HELLS: variants seen among roughly 807,000 people sequenced by gnomAD.
The protein encoded by HELLS is lymphoid-specific helicase.
Under a neutral mutation model 120.0 loss-of-function variants are expected in HELLS, and 32 were observed. That is an observed-to-expected ratio of 0.27 (90% CI 0.20 to 0.36). The LOEUF is 0.36. Among genes scored for constraint, HELLS ranks in the 10% least tolerant of loss-of-function variants. The pLI, the probability that HELLS is intolerant of heterozygous loss-of-function variation, is 1.00. For synonymous variants in HELLS, 341 were observed against 323.4 expected, an observed-to-expected ratio of 1.05 and a Z score of -0.58; for missense variants, 650 against 993.4, an observed-to-expected ratio of 0.65 and a Z score of 4.65.
At chr10:94,567,202 T>A (rs988445119) in intron 6 of HELLS, among the ~76,000 whole-genome samples, 28 of 152,108 alleles carry the variant, frequency 1.8e-4, no homozygotes, top group Admixed American at 3.3e-4. Flanking sequence ...CCTCACTGGG[T>A]CTTTGCCTTT....
chr10:94,591,999 A>G (rs1845510656), intron 15 of HELLS, among the ~76,000 whole-genome samples: 1 of 152,200 alleles, frequency 6.6e-6, no homozygotes, highest in Non-Finnish European at 1.5e-5. Flanking sequence ...TGTTGAGGTT[A>G]GATCAAAGTT....
At chr10:94,556,272 G>A (rs1416966820) in intron 3 of HELLS, among the ~76,000 whole-genome samples, 2 of 152,210 alleles carry the variant, frequency 1.3e-5, no homozygotes, top group East Asian at 1.9e-4. Context: ...AGTCTTTTGT[G>A]TTGATTGTTG....
chr10:94,566,794 A>G (rs2134030689), intron 6 of HELLS, among the ~76,000 whole-genome samples: 1 of 151,950 alleles, frequency 6.6e-6, no homozygotes, highest in Non-Finnish European at 1.5e-5. Flanking sequence ...GCCTGGGACT[A>G]CAGGCACGTG....
At chr10:94,557,263 C>A in intron 3 of HELLS, 3 of 315,178 alleles carry the variant, frequency 9.5e-6, no homozygotes, top group South Asian at 4.9e-5. Context: ...TAAAAATTAT[C>A]AATTTAAATT....
At chr10:94,554,280 C>G (rs1249597305) in intron 3 of HELLS, 32 bp downstream of exon 3, 6 of 1,468,654 alleles carry the variant, frequency 4.1e-6, no homozygotes, top group Non-Finnish European at 5.4e-6. Flanking sequence ...CAAGTGAAAG[C>G]TTAAAAAAAT....
At chr10:94,599,085 C>G (rs945815016) in intron 21 of HELLS, among the ~76,000 whole-genome samples, 5 of 152,088 alleles carry the variant, frequency 3.3e-5, no homozygotes, top group Admixed American at 1.3e-4. Context: ...TGTACTTTCT[C>G]TAGTTTTGTT....
rs1285407342 is a variant in HELLS, at chr10:94,593,591, A to T, written c.2064A>T (p.Thr688=). 4 of 1,602,906 alleles carry T rather than the reference A, an allele frequency of 2.5e-6. No individual in the cohort carries two copies. Among genetic ancestry groups the T allele is most frequent in the Non-Finnish European group, 3.4e-6 (4 of 1,169,822 alleles). The change falls in exon 18 of 22, where the codon ACA becomes ACT. Residue 688 remains threonine, a synonymous_variant. Transcript: ENST00000348459. ...GLGINLTAAD[T]VIIYDSDWNP... ...GCATTAATCTGACTGCAGCAGATAC[A>T]GTTATCATTTATGATAGTGATTGGG...
intron 12 of HELLS, among the ~76,000 whole-genome samples, chr10:94,584,927 C>T (rs1024005126): frequency 3.3e-5 from 5 of 151,992 alleles, no homozygotes; most frequent in African/African-American, 4.8e-5. Context: ...ATTACTTTTA[C>T]GCTTTGTCCT....
intron 21 of HELLS, among the ~76,000 whole-genome samples, chr10:94,598,712 T>G (rs1352821150): frequency 6.6e-6 from 1 of 151,944 alleles, no homozygotes; most frequent in African/African-American, 2.4e-5. Flanking sequence ...GCAAAAGTTT[T>G]AAATTTTAAT....
At chr10:94,567,408 C>T (rs571645229) in intron 6 of HELLS, among the ~76,000 whole-genome samples, 3 of 152,118 alleles carry the variant, frequency 2.0e-5, no homozygotes, top group African/African-American at 4.8e-5. Context: ...AAGCGATTCT[C>T]CTGCCTCAGC....
At chr10:94,580,121 A>G (rs58504197) in intron 10 of HELLS, among the ~76,000 whole-genome samples, 506 of 8,956 alleles carry the variant, frequency 0.056, 10 homozygotes, top group African/African-American at 0.095. Flanking sequence ...ATAAAAGTAT[A>G]TATATATATA....
At chr10:94,547,404 T>C (rs966904097) in intron 2 of HELLS, among the ~76,000 whole-genome samples, 3 of 152,206 alleles carry the variant, frequency 2.0e-5, no homozygotes, top group African/African-American at 7.2e-5. Context: ...TCCTTAATAA[T>C]AGTGAATTAA....
chr10:94,558,394 A>C (rs887091982), intron 4 of HELLS, among the ~76,000 whole-genome samples, 199 bp downstream of exon 4: 11 of 152,166 alleles, frequency 7.2e-5, no homozygotes, highest in Admixed American at 7.2e-4. Context: ...AGTATGGTCC[A>C]CTTTAGTTTC....
At chr10:94,555,893 C>G (rs1374049890) in intron 3 of HELLS, among the ~76,000 whole-genome samples, 1 of 152,170 alleles carries the variant, frequency 6.6e-6, no homozygotes, top group Non-Finnish European at 1.5e-5. Context: ...TCCCAAAGTG[C>G]TGGGATTACA....
intron 9 of HELLS, among the ~76,000 whole-genome samples, 178 bp from the exon 10 acceptor site, chr10:94,576,484 T>A (rs927346387): frequency 6.6e-6 from 1 of 152,134 alleles, no homozygotes; most frequent in Admixed American, 6.5e-5. Flanking sequence ...TTTTTTTCAT[T>A]TTCTCCCATA....
At chr10:94,589,839 A>G (rs925036814) in intron 13 of HELLS, among the ~76,000 whole-genome samples, 7 of 151,600 alleles carry the variant, frequency 4.6e-5, no homozygotes, top group Admixed American at 6.6e-5. Context: ...GTCGCCCGCC[A>G]CCACGCTTGG....
chr10:94,590,863 T>C lies in HELLS; in HGVS notation c.1767+87T>C. On this transcript the variant is annotated intron_variant, in intron 15 of 21. Coordinates refer to ENST00000348459, the MANE Select transcript of HELLS (RefSeq NM_018063.5). ...GTGTTACTTTTTTTGATTATAATTA[T>C]TAAAAATAAGTATGGTGCTATTTGT... 4.2e-6 allele frequency: 3 copies of C among 721,302 alleles called. 1 individual carries two copies. Among genetic ancestry groups the C allele is most frequent in the Non-Finnish European group, 6.3e-6 (3 of 473,106 alleles). 44.7% of individuals were successfully genotyped at this position (721,302 alleles called of 1,614,324 possible).
chr10:94,579,842 G>A (rs1242792385), intron 10 of HELLS, among the ~76,000 whole-genome samples: 1 of 151,932 alleles, frequency 6.6e-6, no homozygotes, highest in Non-Finnish European at 1.5e-5. Context: ...TTTCTACTCA[G>A]TAGTATAACA....
intron 15 of HELLS, among the ~76,000 whole-genome samples, chr10:94,591,536 G>T (rs1359968254): frequency 6.6e-6 from 1 of 152,150 alleles, no homozygotes; most frequent in African/African-American, 2.4e-5. Flanking sequence ...TCTTTCTTAG[G>T]AGGTAATGTT....
Sources: allele counts gnomAD v4.1 joint callset (sites outside exome capture counted in the v4.1 genomes callset), GRCh38; gene constraint gnomAD v4.1.1; transcripts MANE v1.5; gene names NCBI Gene and HGNC (gene_info 2026-07-23, HGNC 2026-07-21).